Variants in CNTNAP2 observed in about 807,000 individuals in gnomAD.
CNTNAP2 encodes the protein contactin-associated protein-like 2.
A neutral mutation model predicts 155.2 loss-of-function variants in CNTNAP2; 98 were observed. The ratio of observed to expected loss-of-function variants is 0.63; its 90% CI spans 0.54 to 0.75. CNTNAP2 has a LOEUF of 0.75. Ranked by LOEUF, CNTNAP2 falls within the 30% of genes least tolerant of loss-of-function variation. The probability of loss-of-function intolerance (pLI) is 0.00; values close to 1 mark genes in which losing one functional copy is unlikely to be tolerated. For missense variants in CNTNAP2, 1,727 were observed against 1,688.1 expected, an observed-to-expected ratio of 1.02 and a Z score of -0.40; for synonymous variants, 651 against 631.2, an observed-to-expected ratio of 1.03 and a Z score of -0.47.
intron 13 of CNTNAP2, among the ~76,000 whole-genome samples, chr7:147,792,518 A>G (rs892585840): frequency 6.6e-6 from 1 of 151,760 alleles, no homozygotes; most frequent in Non-Finnish European, 1.5e-5. Context: ...GTGTGTGTAT[A>G]TATATATATC....
intron 2 of CNTNAP2, among the ~76,000 whole-genome samples, chr7:146,788,852 T>A (rs1563231359): frequency 6.6e-6 from 1 of 152,164 alleles, no homozygotes; most frequent in Non-Finnish European, 1.5e-5. Context: ...TTTGTTTTGT[T>A]TTTTCGTCTA....
At chr7:146,851,816 G>A (rs1794884805) in intron 3 of CNTNAP2, among the ~76,000 whole-genome samples, 1 of 151,874 alleles carries the variant, frequency 6.6e-6, no homozygotes. Context: ...GAGTAGCTGG[G>A]ACTACAGGTG....
chr7:147,918,693 CA>C (rs1399836696), intron 14 of CNTNAP2, among the ~76,000 whole-genome samples: 2 of 151,988 alleles, frequency 1.3e-5, no homozygotes, highest in Non-Finnish European at 2.9e-5. Flanking sequence ...AGGAAAAAAA[CA>C]AACAGAAAAA....
chr7:146,461,877 G>A (rs1344703660), intron 1 of CNTNAP2, among the ~76,000 whole-genome samples: 1 of 152,184 alleles, frequency 6.6e-6, no homozygotes, highest in Non-Finnish European at 1.5e-5. Flanking sequence ...CTATTTTTAT[G>A]TCAATGTAAA....
At chr7:147,253,383 G>GT (rs556721401) in intron 8 of CNTNAP2, among the ~76,000 whole-genome samples, 27,594 of 118,510 alleles carry the variant, frequency 0.23, 2,895 homozygotes, top group Non-Finnish European at 0.26. Context: ...CAGGTTCTCT[G>GT]TTTTTTTTTT....
intron 1 of CNTNAP2, among the ~76,000 whole-genome samples, chr7:146,410,053 G>A (rs942582899): frequency 3.3e-5 from 5 of 152,100 alleles, no homozygotes; most frequent in African/African-American, 7.2e-5. Flanking sequence ...TGGTATATTT[G>A]CAGTAAAGTA....
intron 11 of CNTNAP2, among the ~76,000 whole-genome samples, chr7:147,522,891 A>G (rs1178889417): frequency 6.6e-6 from 1 of 152,200 alleles, no homozygotes; most frequent in East Asian, 1.9e-4. Context: ...TTTGAAATGT[A>G]TTATTTCTAA....
intron 21 of CNTNAP2, among the ~76,000 whole-genome samples, chr7:148,378,882 G>T (rs1798994943): frequency 1.5e-5 from 1 of 66,826 alleles, no homozygotes; most frequent in South Asian, 4.3e-4. Flanking sequence ...AATAAGACTG[G>T]ATGTTATTTA....
intron 18 of CNTNAP2, among the ~76,000 whole-genome samples, chr7:148,206,362 T>C (rs1795449665): frequency 6.6e-6 from 1 of 151,150 alleles, no homozygotes; most frequent in Admixed American, 6.6e-5. Flanking sequence ...ATATTTAATA[T>C]GAGAGAGAAA....
chr7:147,120,521 CT>C (rs1313299572), intron 5 of CNTNAP2, among the ~76,000 whole-genome samples: 3 of 152,012 alleles, frequency 2.0e-5, no homozygotes, highest in East Asian at 1.9e-4. Context: ...CATTTTCCCC[CT>C]TTTTAAAAAA....
chr7:147,158,887 C>T (rs535275765), intron 8 of CNTNAP2, among the ~76,000 whole-genome samples: 15 of 152,104 alleles, frequency 9.9e-5, no homozygotes, highest in African/African-American at 3.6e-4. Context: ...AAACAGATCT[C>T]AAACAAAAAA....
At chr7:148,073,828 C>T (rs1277664459) in intron 15 of CNTNAP2, among the ~76,000 whole-genome samples, 1 of 151,520 alleles carries the variant, frequency 6.6e-6, no homozygotes, top group African/African-American at 2.4e-5. Context: ...GAACCTGCAA[C>T]CAAGGCAAGA....
At position 146,621,537 on chromosome 7, in the gene CNTNAP2, A is replaced by T. The variant is rs76507754; in HGVS notation, c.98-152734A>T. Among the ~76,000 whole-genome samples the T allele has an allele frequency of 7.9e-3, 1,210 of 152,276 alleles. 11 individuals are homozygous for T. The highest frequency in any genetic ancestry group is 0.02 in the Middle Eastern group (6 of 294). ...GACTTTGACAGTTTTGAGGAGTACT[A>T]GTCAGGTATTTTGCAGAATGTTCAT... On this transcript the variant is annotated intron_variant, in intron 1 of 23. Coordinates refer to ENST00000361727, the MANE Select transcript of CNTNAP2 (RefSeq NM_014141.6).
chr7:147,706,878 A>T (rs934987082), intron 13 of CNTNAP2, among the ~76,000 whole-genome samples: 21 of 151,704 alleles, frequency 1.4e-4, no homozygotes, highest in Non-Finnish European at 2.9e-4. Context: ...CCGCTCTTAA[A>T]GTTCGGAAAT....
chr7:146,768,545 C>G (rs572312884), intron 1 of CNTNAP2, among the ~76,000 whole-genome samples: 2 of 151,800 alleles, frequency 1.3e-5, no homozygotes, highest in African/African-American at 4.8e-5. Context: ...AGTCATAACA[C>G]GTGATGCAGG....
intron 3 of CNTNAP2, among the ~76,000 whole-genome samples, chr7:147,030,765 TC>T (rs1209465434): frequency 6.6e-6 from 1 of 152,188 alleles, no homozygotes; most frequent in African/African-American, 2.4e-5. Context: ...ATGTCTGTAA[TC>T]CTAGCACTTT....
At chr7:147,913,360 T>C (rs983816820) in intron 14 of CNTNAP2, among the ~76,000 whole-genome samples, 7 of 152,174 alleles carry the variant, frequency 4.6e-5, no homozygotes, top group African/African-American at 7.2e-5. Context: ...TGTCCACAGA[T>C]GAAAAGCCAC....
intron 1 of CNTNAP2, among the ~76,000 whole-genome samples, chr7:146,616,705 T>C (rs1168293588): frequency 1.3e-5 from 2 of 152,216 alleles, no homozygotes; most frequent in African/African-American, 4.8e-5. Context: ...TTTCCCAGAC[T>C]AGCGTCTCTT....
At chr7:147,602,557 T>C (rs900045407) in intron 12 of CNTNAP2, among the ~76,000 whole-genome samples, 1 of 151,706 alleles carries the variant, frequency 6.6e-6, no homozygotes, top group Non-Finnish European at 1.5e-5. Context: ...GTTACATATG[T>C]ATACATGTGC....
Sources: allele counts gnomAD v4.1 joint callset (sites outside exome capture counted in the v4.1 genomes callset), GRCh38; gene constraint gnomAD v4.1.1; transcripts MANE v1.5; gene names NCBI Gene and HGNC (gene_info 2026-07-23, HGNC 2026-07-21).